SCN2A: variants seen among roughly 807,000 people sequenced by gnomAD.
SCN2A encodes the protein sodium channel protein type 2 subunit alpha.
Under a neutral mutation model 188.7 loss-of-function variants are expected in SCN2A, and 20 were observed. That is an observed-to-expected ratio of 0.11 (90% CI 0.07 to 0.15). SCN2A has a LOEUF of 0.15. SCN2A is among the 10% of genes least tolerant of loss of function. SCN2A has a pLI of 1.00. For missense variants in SCN2A, 1,278 were observed against 2,445.0 expected (o/e 0.52, Z 10.07); for synonymous variants, 804 against 833.1 (o/e 0.97, Z 0.60).
chr2:165,328,425 T>G (rs1278906733), intron 13 of SCN2A: 2 of 949,428 alleles, frequency 2.1e-6, no homozygotes, highest in Non-Finnish European at 2.5e-6. Flanking sequence ...GAAGATTGTC[T>G]GGCCTTCCGC....
chr2:165,323,242 C>T lies in SCN2A; in HGVS notation c.1758C>T (p.Asp586=). The T allele has an allele frequency of 6.2e-7, 1 of 1,614,218 alleles. No individual in the cohort carries two copies. The part of the protein sequence containing the change: ...SLFSFRGRAK[D]IGSENDFADD... ...TCAGCTTCAGAGGTCGAGCAAAGGA[C>T]ATTGGCTCTGAGAATGACTTTGCTG... The change falls in exon 12 of 27, where the codon GAC becomes GAT. Residue 586 remains aspartate, a synonymous_variant. Coordinates refer to ENST00000375437, the MANE Select transcript of SCN2A (RefSeq NM_001040142.2).
rs747248252 is a variant in SCN2A, at chr2:165,310,417, A to G, written c.792A>G (p.Leu264=). The change falls in exon 7 of 27, where the codon CTA becomes CTG. Residue 264 remains leucine (L), a synonymous_variant. Coordinates refer to ENST00000375437, the MANE Select transcript of SCN2A (RefSeq NM_001040142.2). ...TGTTCTGTCTAAGCGTGTTTGCGCT[A>G]ATAGGATTGCAGTTGTTCATGGGCA... is the stretch of plus-strand genomic sequence containing the variant. The part of the protein sequence containing the change: ...LTVFCLSVFA[L]IGLQLFMGNL... The G allele has an allele frequency of 5.6e-6, 9 of 1,613,606 alleles. No homozygotes were observed. The highest frequency in any genetic ancestry group is 6.8e-6 in the Non-Finnish European group (8 of 1,179,680).
intron 11 of SCN2A, among the ~76,000 whole-genome samples, chr2:165,317,666 T>C (rs1292536024): frequency 6.6e-6 from 1 of 152,142 alleles, no homozygotes; most frequent in Admixed American, 6.5e-5. Flanking sequence ...TACATTTTGT[T>C]CATAGATATG....
chr2:165,310,238 T>TA lies in SCN2A; in HGVS notation c.698-85_698-84insA, dbSNP rs1189348495. 2.3e-5 allele frequency: 32 copies of TA among 1,408,140 alleles called. No homozygotes were observed. The African/African-American group carries it at 4.1e-4, about 18-fold the overall frequency. 87.2% of individuals were successfully genotyped at this position (1,408,140 alleles called of 1,614,324 possible). ...TGGCATTCTGCATGACATTTTTATT[T>TA]TCCAGGACAAGCTCATGATATTTTT... On this transcript the variant is annotated intron_variant, in intron 6 of 26. Coordinates refer to ENST00000375437, the MANE Select transcript of SCN2A (RefSeq NM_001040142.2).
At chr2:165,301,016 T>A (rs1696782027) in intron 3 of SCN2A, among the ~76,000 whole-genome samples, 1 of 152,120 alleles carries the variant, frequency 6.6e-6, no homozygotes, top group South Asian at 2.1e-4. Context: ...TTTTGAGGTA[T>A]TTTGCAGAAG....
chr2:165,389,906 C>A lies in SCN2A; in HGVS notation c.*82C>A. 1.3e-6 allele frequency: 2 copies of A among 1,532,726 alleles called. No individual in the cohort carries two copies. Among genetic ancestry groups the A allele is most frequent in the Non-Finnish European group, 1.7e-6 (2 of 1,145,642 alleles). 94.9% of individuals were successfully genotyped at this position (1,532,726 alleles called of 1,614,324 possible). A position where few individuals can be genotyped will look rare whatever the true frequency, so the allele number is the denominator to read the frequency against. ...TGTGTTTGTGTCAACAGGACTCCCA[C>A]AGGAGGTCTATGCCAAACTGACTGT... On this transcript the variant is annotated 3_prime_UTR_variant, in exon 27 of 27. Transcript: ENST00000375437. The surrounding 1 kb of genome is among the most constrained non-coding windows in gnomAD (Gnocchi z 4.2).
intron 25 of SCN2A, among the ~76,000 whole-genome samples, chr2:165,385,360 A>G (rs1047512406): frequency 1.3e-5 from 2 of 152,334 alleles, no homozygotes; most frequent in Non-Finnish European, 2.9e-5. Flanking sequence ...AGATACGTGC[A>G]AAATGGAACA....
chr2:165,258,403 T>C (rs944034913), intron 1 of SCN2A, among the ~76,000 whole-genome samples: 1 of 152,150 alleles, frequency 6.6e-6, no homozygotes, highest in Non-Finnish European at 1.5e-5. Flanking sequence ...TATCCCAGCA[T>C]TGTTTATTAA....
chr2:165,244,018 G>A (rs1308124152), intron 1 of SCN2A, among the ~76,000 whole-genome samples: 1 of 152,134 alleles, frequency 6.6e-6, no homozygotes. Flanking sequence ...GAGGTAGGCA[G>A]ATCACCTGAG....
At chr2:165,300,843 C>T (rs1696771942) in intron 3 of SCN2A, among the ~76,000 whole-genome samples, 1 of 152,054 alleles carries the variant, frequency 6.6e-6, no homozygotes, top group Non-Finnish European at 1.5e-5. Flanking sequence ...CATGACTTGA[C>T]TCACATATTT....
In SCN2A at chr2:165,310,544, T is replaced by G; in HGVS notation, c.919T>G (p.Phe307Val). 1 of 1,612,894 alleles carries G rather than the reference T, an allele frequency of 6.2e-7. No individual in the cohort carries two copies. The highest frequency in any genetic ancestry group is 8.5e-7 in the Non-Finnish European group (1 of 1,179,128). Residue 307 changes from phenylalanine (F) to valine (V), a missense_variant, in exon 7 of 27, where the codon TTC becomes GTC. Transcript: ENST00000375437. ...NNSLDGNGTT[F>V]NRTVSIFNWD... is the part of the protein sequence containing the mutation. Reference sequence around the variant, plus strand: ...TTCATTGGATGGGAATGGTACTACTTTCAATAGGACAGTGAGCATATTTAA... The same window carrying G: ...TTCATTGGATGGGAATGGTACTACTGTCAATAGGACAGTGAGCATATTTAA...
At chr2:165,367,496 G>C (rs1024941483) in intron 19 of SCN2A, 125 bp downstream of exon 19, 4 of 1,123,722 alleles carry the variant, frequency 3.6e-6, no homozygotes, top group Admixed American at 2.0e-5. Context: ...TATGTGTGAC[G>C]TGTTTAGCAC....
chr2:165,367,157 C>A, intron 18 of SCN2A, 60 bp from the exon 19 acceptor site: 1 of 1,539,330 alleles, frequency 6.5e-7, no homozygotes, highest in African/African-American at 1.4e-5. Context: ...CTCCCACCAA[C>A]ACAAATATAC....
At chr2:165,286,886 G>T (rs1269782351) in intron 1 of SCN2A, among the ~76,000 whole-genome samples, 2 of 152,054 alleles carry the variant, frequency 1.3e-5, no homozygotes, top group Admixed American at 1.3e-4. Context: ...CGCTTTTGGG[G>T]ATTTGCTCAC....
intron 1 of SCN2A, among the ~76,000 whole-genome samples, chr2:165,291,353 TTCCTTCC>T (rs1696110021): frequency 7.1e-5 from 1 of 14,036 alleles, no homozygotes; most frequent in Admixed American, 8.4e-4. Context: ...CTGTCGTTCG[TTCCTTCC>T]TTCCTTCCTT....
intron 25 of SCN2A, among the ~76,000 whole-genome samples, chr2:165,384,691 A>C (rs1701777979): frequency 6.6e-6 from 1 of 152,282 alleles, no homozygotes; most frequent in African/African-American, 2.4e-5. Context: ...GAATAAGAGC[A>C]AACCATTTGC....
intron 18 of SCN2A, among the ~76,000 whole-genome samples, 177 bp downstream of exon 18, chr2:165,365,440 T>G (rs1294436774): frequency 8.8e-5 from 1 of 11,396 alleles, no homozygotes; most frequent in Admixed American, 1.2e-3. Context: ...CATTTATTTG[T>G]TTTTTTTTGC....
At chr2:165,380,502 A>T in intron 23 of SCN2A, 90 bp from the exon 24 acceptor site, 1 of 954,026 alleles carries the variant, frequency 1.0e-6, no homozygotes, top group Non-Finnish European at 1.7e-6. Context: ...TCCAGAGATT[A>T]AAACATGCTT....
chr2:165,358,869 A>G (rs1700309455), intron 17 of SCN2A, among the ~76,000 whole-genome samples: 1 of 152,150 alleles, frequency 6.6e-6, no homozygotes, highest in South Asian at 2.1e-4. Flanking sequence ...TAAACGTAAC[A>G]TCATTCTATG....
Sources: allele counts gnomAD v4.1 joint callset (sites outside exome capture counted in the v4.1 genomes callset), GRCh38; gene constraint gnomAD v4.1.1; non-coding constraint Gnocchi (gnomAD v3.1); transcripts MANE v1.5; gene names NCBI Gene and HGNC (gene_info 2026-07-23, HGNC 2026-07-21).